The following WWOX variants were observed in gnomAD, a reference collection of about 807,000 sequenced individuals.
WWOX encodes the protein WW domain containing oxidoreductase.
In WWOX, 69 loss-of-function variants were observed where a neutral mutation model predicts 46.2. The ratio of observed to expected loss-of-function variants is 1.49; its 90% CI spans 1.23 to 1.82. The LOEUF (loss-of-function observed/expected upper bound fraction) is 1.82, where lower values mean the gene tolerates loss of function less well. WWOX is among the 40% of genes most tolerant of loss of function. The pLI is 0.00. For synonymous variants in WWOX, 359 were observed against 202.6 expected, an observed-to-expected ratio of 1.77 and a Z score of -6.56; for missense variants, 919 against 542.6, an observed-to-expected ratio of 1.69 and a Z score of -6.89.
intron 8 of WWOX, among the ~76,000 whole-genome samples, chr16:79,164,843 A>G (rs973568990): frequency 2.0e-5 from 3 of 152,190 alleles, no homozygotes; most frequent in African/African-American, 7.2e-5. Flanking sequence ...CAGCCCTGAA[A>G]TCGGAGACTC....
intron 8 of WWOX, among the ~76,000 whole-genome samples, chr16:78,912,509 A>G (rs2045138091): frequency 6.6e-6 from 1 of 152,002 alleles, no homozygotes; most frequent in South Asian, 2.1e-4. Context: ...CTGGTGATCA[A>G]GAAATGCCAG....
chr16:78,789,924 C>T (rs577007131), intron 8 of WWOX, among the ~76,000 whole-genome samples: 1 of 152,274 alleles, frequency 6.6e-6, no homozygotes, highest in East Asian at 1.9e-4. Context: ...AATTCTGCCA[C>T]TTATTGTGTC....
intron 8 of WWOX, among the ~76,000 whole-genome samples, chr16:78,870,592 A>T (rs370158348): frequency 6.6e-6 from 1 of 151,614 alleles, no homozygotes; most frequent in Non-Finnish European, 1.5e-5. Context: ...ACCCCTACCA[A>T]TGTAATCAGT....
intron 8 of WWOX, among the ~76,000 whole-genome samples, chr16:79,054,363 AG>A (rs1441118946): frequency 6.6e-6 from 1 of 152,184 alleles, no homozygotes; most frequent in Non-Finnish European, 1.5e-5. Flanking sequence ...AGGAATTTCA[AG>A]CTTTTGTACA....
At chr16:78,880,984 T>C (rs1000457987) in intron 8 of WWOX, among the ~76,000 whole-genome samples, 10 of 104,636 alleles carry the variant, frequency 9.6e-5, no homozygotes, top group Non-Finnish European at 1.7e-4. Flanking sequence ...CTTCTGGTAA[T>C]TTTTTTTCTT....
At chr16:79,023,643 G>C (rs759631920) in intron 8 of WWOX, among the ~76,000 whole-genome samples, 8 of 152,128 alleles carry the variant, frequency 5.3e-5, no homozygotes, top group African/African-American at 1.9e-4. Flanking sequence ...CATTACGCTG[G>C]ACGTGGTGGC....
At chr16:78,923,334 C>T (rs976742966) in intron 8 of WWOX, among the ~76,000 whole-genome samples, 1 of 152,038 alleles carries the variant, frequency 6.6e-6, no homozygotes, top group Non-Finnish European at 1.5e-5. Flanking sequence ...TTAATTTCAC[C>T]AGAATATCAT....
At chr16:78,820,197 C>G (rs1057187279) in intron 8 of WWOX, among the ~76,000 whole-genome samples, 2 of 152,104 alleles carry the variant, frequency 1.3e-5, no homozygotes, top group African/African-American at 2.4e-5. Flanking sequence ...CCACTGACAT[C>G]TGGGTGTTGT....
intron 8 of WWOX, among the ~76,000 whole-genome samples, chr16:78,586,277 A>G (rs575963475): frequency 6.6e-6 from 1 of 152,302 alleles, no homozygotes; most frequent in South Asian, 2.1e-4. Flanking sequence ...AGCCTGGGTG[A>G]CAGAGCAAGA....
At chr16:78,648,718 C>T (rs57574615) in intron 8 of WWOX, among the ~76,000 whole-genome samples, 41 of 152,344 alleles carry the variant, frequency 2.7e-4, no homozygotes, top group African/African-American at 9.1e-4. Context: ...TCGGAGCATA[C>T]TGGAAGTCAT....
rs533402898 is a variant in WWOX, at chr16:79,109,464, C to A, written c.1057-102144C>A. ...AGGGCATAGGGAAGAGAGAGCCGGGCAGGTTGGTTTTAAATTCAAGGATTT... is the reference window on the plus strand; with the variant it reads ...AGGGCATAGGGAAGAGAGAGCCGGGAAGGTTGGTTTTAAATTCAAGGATTT... On this transcript the variant is annotated intron_variant, in intron 8 of 8. Coordinates refer to ENST00000566780, the MANE Select transcript of WWOX (RefSeq NM_016373.4). Among the ~76,000 whole-genome samples, 8 of 152,174 alleles carry A rather than the reference C, an allele frequency of 5.3e-5. No individual in the cohort carries two copies. The East Asian group carries it at 1.5e-3, about 29-fold the overall frequency.
At chr16:79,131,374 G>T (rs1373418349) in intron 8 of WWOX, among the ~76,000 whole-genome samples, 1 of 152,116 alleles carries the variant, frequency 6.6e-6, no homozygotes, top group Non-Finnish European at 1.5e-5. Flanking sequence ...AAAAGCAGGA[G>T]GCTTTGAGGT....
chr16:78,691,421 G>A (rs1022074677), intron 8 of WWOX: 20 of 629,630 alleles, frequency 3.2e-5, no homozygotes, highest in African/African-American at 5.4e-5. Context: ...ATCTGGCTGG[G>A]CATGGTGGTT....
chr16:78,985,723 C>T (rs569792760), intron 8 of WWOX, among the ~76,000 whole-genome samples: 7 of 152,162 alleles, frequency 4.6e-5, no homozygotes, highest in African/African-American at 9.6e-5. Flanking sequence ...GAGCCAAGGT[C>T]GTGCCACTGC....
chr16:79,056,146 C>T (rs966556662), intron 8 of WWOX, among the ~76,000 whole-genome samples: 12 of 151,756 alleles, frequency 7.9e-5, no homozygotes, highest in Admixed American at 1.3e-4. Flanking sequence ...GCCATCAGCA[C>T]CTCCCTGTCT....
chr16:78,211,047 T>C (rs551358686), intron 5 of WWOX, among the ~76,000 whole-genome samples: 4 of 152,350 alleles, frequency 2.6e-5, no homozygotes, highest in Non-Finnish European at 2.9e-5. Context: ...ATTTTTAGAA[T>C]TGTGGGCAAT....
intron 8 of WWOX, among the ~76,000 whole-genome samples, chr16:78,981,027 C>G (rs1005947135): frequency 2.0e-5 from 3 of 152,180 alleles, no homozygotes; most frequent in South Asian, 2.1e-4. Flanking sequence ...GTTGCGTCAT[C>G]ATGGGGCATT....
rs1369356413 is a variant in WWOX at position 79,212,283 on chromosome 16, G to GAGCCAGCTTAGC, written c.*489_*500dup. On this transcript the variant is annotated 3_prime_UTR_variant, in exon 9 of 9. Coordinates refer to ENST00000566780, the MANE Select transcript of WWOX (RefSeq NM_016373.4). ...TGTTTCATTCATCCTGACCAAGACT[G>GAGCCAGCTTAGC]AGCCAGCTTAGCAACTGCTGGGGAG... 1 of 1,165,740 alleles carries GAGCCAGCTTAGC rather than the reference G, an allele frequency of 8.6e-7. No individual in the cohort carries two copies. The highest frequency in any genetic ancestry group is 1.2e-6 in the Non-Finnish European group (1 of 858,060). The allele number at this position is 1,165,740 out of a possible 1,614,324, so 72.2% of individuals were successfully genotyped here.
intron 5 of WWOX, among the ~76,000 whole-genome samples, chr16:78,262,489 C>G (rs894297086): frequency 6.6e-6 from 1 of 152,154 alleles, no homozygotes; most frequent in Non-Finnish European, 1.5e-5. Context: ...AGTCCTTATG[C>G]TGAGGTTTCA....
Sources: allele counts gnomAD v4.1 joint callset (sites outside exome capture counted in the v4.1 genomes callset), GRCh38; gene constraint gnomAD v4.1.1; transcripts MANE v1.5; gene names NCBI Gene and HGNC (gene_info 2026-07-23, HGNC 2026-07-21).